The following RNLS variants were observed in gnomAD, a reference collection of about 807,000 sequenced individuals.
RNLS encodes the protein renalase, FAD dependent amine oxidase.
In RNLS, 39 loss-of-function variants were observed where a neutral mutation model predicts 39.8. The ratio of observed to expected loss-of-function variants is 0.98; its 90% CI spans 0.76 to 1.28. RNLS has a LOEUF of 1.28. Ranked by LOEUF, RNLS falls within the 50% of genes most tolerant of loss-of-function variation. RNLS has a pLI of 0.00. For missense variants in RNLS, 410 were observed against 413.3 expected (o/e 0.99, Z 0.07); for synonymous variants, 147 against 150.7 (o/e 0.98, Z 0.18).
chr10:88,203,265 TATGTATATATATATATATATATATAC>T, the RNLS span, among the ~76,000 whole-genome samples: 1 of 11,566 alleles, frequency 8.6e-5, no homozygotes, highest in East Asian at 1.8e-3. Flanking sequence ...TGTGTGTGTG[TATGTATATATATATATATATATATAC>T]GTATGTATAT....
intron 5 of RNLS, among the ~76,000 whole-genome samples, chr10:88,316,543 T>C (rs1845778161): frequency 1.3e-5 from 2 of 152,118 alleles, no homozygotes; most frequent in African/African-American, 2.4e-5. Flanking sequence ...GGGCTCTGAG[T>C]TGACTTATCT....
At chr10:88,540,073 A>G (rs1589980199) in intron 4 of RNLS, among the ~76,000 whole-genome samples, 1 of 152,274 alleles carries the variant, frequency 6.6e-6, no homozygotes, top group East Asian at 1.9e-4. Flanking sequence ...TTCGAAATGT[A>G]TGTATTTTCT....
At chr10:88,518,609 C>T (rs1393946377) in intron 4 of RNLS, among the ~76,000 whole-genome samples, 3 of 151,868 alleles carry the variant, frequency 2.0e-5, no homozygotes, top group Non-Finnish European at 4.4e-5. Context: ...AAGATAGGCA[C>T]ATGATCAAAT....
the RNLS span, among the ~76,000 whole-genome samples, chr10:88,172,376 G>C: frequency 2.0e-5 from 3 of 152,208 alleles, no homozygotes; most frequent in Admixed American, 2.0e-4. Context: ...ACTGTCACTG[G>C]GGTAAGATGA....
intron 4 of RNLS, among the ~76,000 whole-genome samples, chr10:88,487,069 A>G (rs747857454): frequency 1.3e-4 from 20 of 152,208 alleles, no homozygotes; most frequent in Admixed American, 1.3e-4. Context: ...ACATGGATGA[A>G]GCCAGAGGCC....
intron 5 of RNLS, among the ~76,000 whole-genome samples, chr10:88,356,457 G>C (rs1178243121): frequency 6.6e-6 from 1 of 152,154 alleles, no homozygotes; most frequent in Non-Finnish European, 1.5e-5. Flanking sequence ...AGTGTCACAA[G>C]GTGACAGGAT....
intron 5 of RNLS, among the ~76,000 whole-genome samples, chr10:88,357,708 T>A (rs759298905): frequency 3.9e-5 from 6 of 152,224 alleles, no homozygotes; most frequent in Non-Finnish European, 8.8e-5. Flanking sequence ...GTCACATAAC[T>A]GTGTCCTAAC....
At chr10:88,181,318 G>A in the RNLS span, among the ~76,000 whole-genome samples, 1 of 152,040 alleles carries the variant, frequency 6.6e-6, no homozygotes, top group Admixed American at 6.6e-5. Context: ...GAGGAAACAG[G>A]GGCCTATTCT....
chr10:88,575,200 ATAT>A (rs1850118842), intron 3 of RNLS, among the ~76,000 whole-genome samples: 2 of 35,352 alleles, frequency 5.7e-5, no homozygotes, highest in African/African-American at 2.6e-4. Context: ...TATATACTAT[ATAT>A]ATATGTGTGT....
chr10:88,346,462 G>A (rs118062583), intron 5 of RNLS, among the ~76,000 whole-genome samples: 2 of 152,156 alleles, frequency 1.3e-5, no homozygotes, highest in African/African-American at 4.8e-5. Flanking sequence ...TAATTGCGAA[G>A]AACTCACATA....
chr10:88,292,289 A>C (rs1457725043), intron 6 of RNLS, among the ~76,000 whole-genome samples: 1 of 151,102 alleles, frequency 6.6e-6, no homozygotes, highest in Non-Finnish European at 1.5e-5. Flanking sequence ...TAGGGGAAAT[A>C]TCTTTGTGGT....
intron 4 of RNLS, among the ~76,000 whole-genome samples, chr10:88,538,577 A>C (rs1847894006): frequency 6.6e-6 from 1 of 152,146 alleles, no homozygotes; most frequent in Non-Finnish European, 1.5e-5. Flanking sequence ...TACCAGTGAA[A>C]TCTGATTTTA....
chr10:88,268,659 C>A, the RNLS span, among the ~76,000 whole-genome samples: 2 of 152,202 alleles, frequency 1.3e-5, no homozygotes, highest in Non-Finnish European at 2.9e-5. Context: ...ATCTCCATCT[C>A]TTGGCTCTCC....
the RNLS span, among the ~76,000 whole-genome samples, chr10:88,212,190 A>G: frequency 4.3e-4 from 66 of 152,234 alleles, 1 homozygote; most frequent in African/African-American, 1.6e-3. Context: ...TTACTTCACC[A>G]AGAGAACTGA....
intron 4 of RNLS, among the ~76,000 whole-genome samples, chr10:88,551,424 T>C (rs892274825): frequency 6.6e-6 from 1 of 152,204 alleles, no homozygotes; most frequent in East Asian, 1.9e-4. Flanking sequence ...GAGAACTATT[T>C]AGGGAACTTC....
chr10:88,431,092 C>A (rs1278280060), intron 4 of RNLS, among the ~76,000 whole-genome samples: 1 of 151,640 alleles, frequency 6.6e-6, no homozygotes, highest in Non-Finnish European at 1.5e-5. Context: ...TCCAATTAAA[C>A]TATATGTCCT....
Position 88,581,550 on chromosome 10 carries a change from G to C in RNLS, c.367+17C>G. On this transcript the variant is annotated intron_variant, in intron 3 of 6. Transcript: ENST00000331772. The stretch of plus-strand genomic sequence containing the variant: ...ATGCTAATTTTAAAATTTAGGCAGA[G>C]AAAATCTTACTCCCACCTGATTCTT... 1.3e-6 allele frequency: 2 copies of C among 1,578,806 alleles called. No individual in the cohort carries two copies. Among genetic ancestry groups the C allele is most frequent in the Admixed American group, 1.9e-5 (1 of 52,856 alleles).
chr10:88,409,305 A>C (rs997276691), intron 4 of RNLS, among the ~76,000 whole-genome samples: 2 of 152,154 alleles, frequency 1.3e-5, no homozygotes, highest in Admixed American at 6.6e-5. Context: ...CATGTGCAAG[A>C]ACACACATCT....
chr10:88,505,124 A>G (rs1845717668), intron 4 of RNLS, among the ~76,000 whole-genome samples: 1 of 152,072 alleles, frequency 6.6e-6, no homozygotes. Flanking sequence ...CCCTATTAAA[A>G]GAAACCAACC....
Sources: gnomAD v4.1 joint callset for allele counts (sites outside exome capture counted in the v4.1 genomes callset) on GRCh38, gnomAD v4.1.1 for gene constraint, MANE v1.5 for transcripts, NCBI Gene and HGNC (gene_info 2026-07-23, HGNC 2026-07-21) for gene names.